Variants in LRRC69 observed in about 807,000 individuals in gnomAD.
The protein encoded by LRRC69 is leucine-rich repeat-containing protein 69.
Under a neutral mutation model 37.8 loss-of-function variants are expected in LRRC69, and 42 were observed. The ratio of observed to expected loss-of-function variants is 1.11; its 90% CI spans 0.87 to 1.44. The LOEUF (loss-of-function observed/expected upper bound fraction) is 1.44, where lower values mean the gene tolerates loss of function less well. LRRC69 is among the 40% of genes most tolerant of loss of function. The pLI, the probability that LRRC69 is intolerant of heterozygous loss-of-function variation, is 0.00. For missense variants in LRRC69, 357 were observed against 401.9 expected (o/e 0.89, Z 0.96); for synonymous variants, 141 against 143.1 (o/e 0.99, Z 0.11).
intron 1 of LRRC69, among the ~76,000 whole-genome samples, chr8:91,109,709 A>G (rs1347672675): frequency 6.6e-6 from 1 of 152,042 alleles, no homozygotes; most frequent in East Asian, 1.9e-4. Flanking sequence ...GGCCAGCAGT[A>G]AGAGGTTGTG....
intron 5 of LRRC69, among the ~76,000 whole-genome samples, chr8:91,150,869 G>A (rs1031755758): frequency 6.6e-6 from 1 of 151,972 alleles, no homozygotes; most frequent in African/African-American, 2.4e-5. Flanking sequence ...TAGTTTGTTT[G>A]CATAGAGGTG....
chr8:91,109,330 G>A (rs2130477211), intron 1 of LRRC69, among the ~76,000 whole-genome samples: 1 of 152,136 alleles, frequency 6.6e-6, no homozygotes, highest in South Asian at 2.1e-4. Flanking sequence ...TCTATCTGTA[G>A]ACCTGCCTTG....
intron 5 of LRRC69, among the ~76,000 whole-genome samples, chr8:91,161,411 T>C (rs1163564631): frequency 1.3e-5 from 2 of 151,356 alleles, no homozygotes; most frequent in Non-Finnish European, 3.0e-5. Context: ...AGTGAAGTTA[T>C]GCAGTCCTGG....
chr8:91,124,881 AT>A (rs1408063200), intron 2 of LRRC69: 1 of 271,046 alleles, frequency 3.7e-6, no homozygotes, highest in Non-Finnish European at 6.8e-6. Context: ...ATAAAGTCAG[AT>A]TGTGAATCTG....
At chr8:91,212,764 G>A (rs1012763888) in intron 7 of LRRC69, among the ~76,000 whole-genome samples, 2 of 152,138 alleles carry the variant, frequency 1.3e-5, no homozygotes, top group South Asian at 2.1e-4. Flanking sequence ...TAGGTACTAA[G>A]AGGATCAGAA....
In LRRC69 at chr8:91,157,780, C is replaced by T. The variant is rs536598463; in HGVS notation, c.651+22041C>T. 1.9e-5 allele frequency: 30 copies of T among 1,607,488 alleles called. No individual in the cohort carries two copies. The Admixed American group carries it at 2.2e-4, about 12-fold the overall frequency. On this transcript the variant is annotated intron_variant, in intron 5 of 7. Transcript: ENST00000448384. The stretch of plus-strand genomic sequence containing the variant: ...ACCTGGGAGAGAGGACATACTATAT[C>T]GCAGCAGTGGAAGTGGAATGGGATT...
intron 5 of LRRC69, among the ~76,000 whole-genome samples, chr8:91,150,241 T>C (rs551048480): frequency 6.6e-6 from 1 of 152,098 alleles, no homozygotes; most frequent in South Asian, 2.1e-4. Context: ...TAGCTCTTAT[T>C]ATTTTGAGAT....
At chr8:91,173,381 G>A (rs746785669) in intron 5 of LRRC69, among the ~76,000 whole-genome samples, 15 of 152,072 alleles carry the variant, frequency 9.9e-5, no homozygotes, top group Non-Finnish European at 1.3e-4. Context: ...CTATCTACAT[G>A]TGGTTTCTGT....
At chr8:91,196,671 C>T (rs1809607512) in intron 6 of LRRC69, among the ~76,000 whole-genome samples, 2 of 152,048 alleles carry the variant, frequency 1.3e-5, no homozygotes, top group Admixed American at 1.3e-4. Flanking sequence ...TCCCGTAGTT[C>T]TCGAGCCTTG....
intron 5 of LRRC69, among the ~76,000 whole-genome samples, chr8:91,168,479 T>G (rs774362104): frequency 5.9e-5 from 9 of 151,908 alleles, no homozygotes; most frequent in Non-Finnish European, 1.3e-4. Flanking sequence ...AAAGCTTTTG[T>G]TTTTCCTATA....
intron 5 of LRRC69, among the ~76,000 whole-genome samples, chr8:91,179,868 A>T (rs73697133): frequency 0.031 from 4,760 of 152,292 alleles, 273 homozygotes; most frequent in African/African-American, 0.11. Context: ...GTAAATTGGG[A>T]TATTACAATG....
intron 5 of LRRC69, among the ~76,000 whole-genome samples, chr8:91,156,618 G>C (rs1337667090): frequency 6.6e-6 from 1 of 150,788 alleles, no homozygotes; most frequent in Non-Finnish European, 1.5e-5. Flanking sequence ...CCGTGGTTTG[G>C]AGTATTTTTT....
rs554685978 is a variant in LRRC69 at position 91,206,132 on chromosome 8, C to G, written c.933+5340C>G. ...GACAATACCTGATAAAATTTTATTT[C>G]TACAGAATGATAAATCAGATCTGGA... On this transcript the variant is annotated intron_variant, in intron 7 of 7. Transcript: ENST00000448384. Among the ~76,000 whole-genome samples the G allele has an allele frequency of 2.4e-4, 36 of 152,264 alleles. 1 individual carries two copies. Among genetic ancestry groups the G allele is most frequent in the Middle Eastern group, 6.8e-3 (2 of 292 alleles).
chr8:91,121,106 T>G (rs567680934), intron 1 of LRRC69, among the ~76,000 whole-genome samples: 1 of 152,032 alleles, frequency 6.6e-6, no homozygotes, highest in African/African-American at 2.4e-5. Flanking sequence ...ATTCTGGCTC[T>G]TCATCCAAAG....
At chr8:91,147,436 CT>C (rs1195581963) in intron 5 of LRRC69, among the ~76,000 whole-genome samples, 11 of 150,960 alleles carry the variant, frequency 7.3e-5, no homozygotes, top group Non-Finnish European at 1.5e-4. Context: ...TCTGACTATT[CT>C]TTTTTTCTCT....
chr8:91,173,530 G>C (rs1400623189), intron 5 of LRRC69, among the ~76,000 whole-genome samples: 1 of 152,280 alleles, frequency 6.6e-6, no homozygotes, highest in African/African-American at 2.4e-5. Context: ...AAAACTGAAA[G>C]TACTTGTATC....
intron 5 of LRRC69, among the ~76,000 whole-genome samples, chr8:91,143,676 T>C (rs1808568755): frequency 6.6e-6 from 1 of 152,006 alleles, no homozygotes; most frequent in Non-Finnish European, 1.5e-5. Context: ...TTATAGCACC[T>C]ATTCCGTTTC....
At chr8:91,126,864 C>T (rs1478816787) in intron 2 of LRRC69, among the ~76,000 whole-genome samples, 1 of 151,926 alleles carries the variant, frequency 6.6e-6, no homozygotes, top group Non-Finnish European at 1.5e-5. Context: ...TTTGATGAGC[C>T]TGGTTGCATC....
chr8:91,158,728 A>C (rs1808883861), intron 5 of LRRC69: 1 of 1,016,546 alleles, frequency 9.8e-7, no homozygotes, highest in African/African-American at 1.6e-5. Flanking sequence ...ATTGTTCTAC[A>C]AAATGAAGAC....
Sources: gnomAD v4.1 joint callset for allele counts (sites outside exome capture counted in the v4.1 genomes callset) on GRCh38, gnomAD v4.1.1 for gene constraint, MANE v1.5 for transcripts, NCBI Gene and HGNC (gene_info 2026-07-23, HGNC 2026-07-21) for gene names.